The following SLC20A2 variants were observed in gnomAD, a reference collection of about 807,000 sequenced individuals.
SLC20A2 encodes solute carrier family 20 member 2.
A neutral mutation model predicts 61.0 loss-of-function variants in SLC20A2; 30 were observed. The observed-to-expected ratio is 0.49, with a 90% CI of 0.37 to 0.67. The LOEUF (loss-of-function observed/expected upper bound fraction) is 0.67, where lower values mean the gene tolerates loss of function less well. Ranked by LOEUF, SLC20A2 falls within the 30% of genes least tolerant of loss-of-function variation. SLC20A2 has a pLI of 0.00. For missense variants in SLC20A2, 626 were observed against 866.4 expected (o/e 0.72, Z 3.48); for synonymous variants, 351 against 353.3 (o/e 0.99, Z 0.07).
At chr8:42,421,743 G>A (rs547189650) in intron 10 of SLC20A2, among the ~76,000 whole-genome samples, 1 of 152,264 alleles carries the variant, frequency 6.6e-6, no homozygotes, top group African/African-American at 2.4e-5. Context: ...GGTGGAGGTT[G>A]TGGTGAGCTG....
intron 1 of SLC20A2, among the ~76,000 whole-genome samples, chr8:42,509,578 AAAAAATT>A (rs1159600832): frequency 6.6e-6 from 1 of 152,140 alleles, no homozygotes; most frequent in Non-Finnish European, 1.5e-5. Context: ...AAAAATAAAA[AAAAAATT>A]AAAAATTAAA....
intron 10 of SLC20A2, among the ~76,000 whole-genome samples, chr8:42,424,354 T>C (rs573960143): frequency 6.6e-6 from 1 of 152,264 alleles, no homozygotes; most frequent in Non-Finnish European, 1.5e-5. Context: ...TTGCTCTTGT[T>C]GCCCAGGCTG....
At chr8:42,438,085 A>AAAAAAAAAAAAAAAAAAAAAC (rs1401813867) in intron 7 of SLC20A2, among the ~76,000 whole-genome samples, 1 of 149,244 alleles carries the variant, frequency 6.7e-6, no homozygotes, top group Non-Finnish European at 1.5e-5. Flanking sequence ...AAAAAAAAAA[A>AAAAAAAAAAAAAAAAAAAAAC]AAAACATGGA....
chr8:42,503,060 C>A (rs772363679), upstream of SLC20A2, among the ~76,000 whole-genome samples: 1 of 152,168 alleles, frequency 6.6e-6, no homozygotes, highest in Admixed American at 6.5e-5. Flanking sequence ...AAGGCAGGGG[C>A]CCCTGAGCAA....
intron 6 of SLC20A2, among the ~76,000 whole-genome samples, chr8:42,440,272 G>A (rs1335975042): frequency 6.6e-6 from 1 of 152,106 alleles, no homozygotes; most frequent in Admixed American, 6.5e-5. Context: ...CTAATGTTCT[G>A]TAAATCTATA....
At chr8:42,433,880 G>A (rs1282459604) in intron 8 of SLC20A2, among the ~76,000 whole-genome samples, 1 of 152,178 alleles carries the variant, frequency 6.6e-6, no homozygotes, top group Non-Finnish European at 1.5e-5. Context: ...CCCGGAAGCA[G>A]GAATGCTGGG....
chr8:42,417,718 G>T lies in SLC20A2; in HGVS notation c.*85C>A, dbSNP rs959676119. 10 of 1,440,880 alleles carry T rather than the reference G, an allele frequency of 6.9e-6. No individual in the cohort carries two copies. The highest frequency in any genetic ancestry group is 7.7e-6 in the Non-Finnish European group (8 of 1,034,316). 89.3% of individuals were successfully genotyped at this position (1,440,880 alleles called of 1,614,324 possible). On this transcript the variant is annotated 3_prime_UTR_variant, in exon 11 of 11. Coordinates refer to ENST00000520262, the MANE Select transcript of SLC20A2 (RefSeq NM_001257180.2). ...TGAGAGAGCCGTGCACGGCCAGGAT[G>T]TGTATGTGCGGCACGAGCACACATG...
At chr8:42,439,042 G>A (rs1471509956) in intron 7 of SLC20A2, among the ~76,000 whole-genome samples, 1 of 152,138 alleles carries the variant, frequency 6.6e-6, no homozygotes, top group Non-Finnish European at 1.5e-5. Context: ...TAAGGTTTCT[G>A]TGATTCAATG....
intron 4 of SLC20A2, among the ~76,000 whole-genome samples, chr8:42,461,772 C>A (rs895212591): frequency 1.3e-5 from 2 of 152,248 alleles, no homozygotes; most frequent in Non-Finnish European, 2.9e-5. Flanking sequence ...TTTCTTCCCT[C>A]CACTTTCTTT....
intron 5 of SLC20A2, 84 bp downstream of exon 5, chr8:42,459,812 C>A: frequency 3.4e-6 from 3 of 895,038 alleles, no homozygotes; most frequent in Non-Finnish European, 5.3e-6. Context: ...TTACTGTCAG[C>A]CAACAATACC....
intron 1 of SLC20A2, chr8:42,484,894 C>CA (rs1808849444): frequency 2.4e-6 from 1 of 408,840 alleles, no homozygotes; most frequent in Admixed American, 2.6e-5. Flanking sequence ...CTCGGCCATG[C>CA]AGCTGGCCCT....
intron 10 of SLC20A2, 108 bp from the exon 11 acceptor site, chr8:42,418,075 GT>G: frequency 7.5e-6 from 6 of 800,304 alleles, no homozygotes; most frequent in Non-Finnish European, 9.6e-6. Context: ...ACATTACCCA[GT>G]CCCCTACATT....
At chr8:42,429,802 T>C (rs1803707825) in intron 9 of SLC20A2, among the ~76,000 whole-genome samples, 1 of 152,142 alleles carries the variant, frequency 6.6e-6, no homozygotes, top group Admixed American at 6.5e-5. Context: ...CTCTCTTCCC[T>C]GCCTGCTCTG....
At chr8:42,508,443 T>G (rs967807151) in intron 1 of SLC20A2, among the ~76,000 whole-genome samples, 7 of 152,104 alleles carry the variant, frequency 4.6e-5, no homozygotes, top group African/African-American at 1.7e-4. Context: ...CAGGCTGGAG[T>G]GCAGTGGCAT....
At chr8:42,538,466 G>T (rs1218527365) in intron 1 of SLC20A2, among the ~76,000 whole-genome samples, 1 of 152,154 alleles carries the variant, frequency 6.6e-6, no homozygotes, top group African/African-American at 2.4e-5. Flanking sequence ...GAATCATTGT[G>T]GGCTGCAGAT....
At chr8:42,420,565 C>T (rs1362579312) in intron 10 of SLC20A2, among the ~76,000 whole-genome samples, 2 of 152,108 alleles carry the variant, frequency 1.3e-5, no homozygotes, top group African/African-American at 4.8e-5. Context: ...GACTGACAGT[C>T]AGCTATTCAA....
intron 1 of SLC20A2, among the ~76,000 whole-genome samples, chr8:42,514,386 A>C (rs1811200080): frequency 1.3e-5 from 2 of 152,196 alleles, no homozygotes; most frequent in African/African-American, 4.8e-5. Context: ...AGGCTACTGG[A>C]AACAGGCAAG....
intron 1 of SLC20A2, among the ~76,000 whole-genome samples, chr8:42,480,995 C>A (rs949374223): frequency 7.2e-5 from 11 of 152,096 alleles, no homozygotes; most frequent in African/African-American, 2.7e-4. Flanking sequence ...GGCCCATGCT[C>A]AGTCACAAAG....
At chr8:42,445,509 T>C (rs1052627878) in intron 5 of SLC20A2, among the ~76,000 whole-genome samples, 1 of 152,050 alleles carries the variant, frequency 6.6e-6, no homozygotes, top group East Asian at 1.9e-4. Context: ...GAGGATCACC[T>C]GAGGTCAGGA....
Sources: allele counts gnomAD v4.1 joint callset (sites outside exome capture counted in the v4.1 genomes callset), GRCh38; gene constraint gnomAD v4.1.1; transcripts MANE v1.5; gene names NCBI Gene and HGNC (gene_info 2026-07-23, HGNC 2026-07-21).